FSTL4: variants seen among roughly 807,000 people sequenced by gnomAD.
FSTL4 encodes follistatin-related protein 4.
FSTL4 carries 28 observed loss-of-function variants against 78.2 expected under a neutral mutation model. That is an observed-to-expected ratio of 0.36 (90% CI 0.27 to 0.49). The LOEUF is 0.49. FSTL4 is among the 20% of genes least tolerant of loss of function. The probability of loss-of-function intolerance (pLI) is 0.98; values close to 1 mark genes in which losing one functional copy is unlikely to be tolerated. For missense variants in FSTL4, 922 were observed against 1,084.9 expected (o/e 0.85, Z 2.11); for synonymous variants, 422 against 440.5 (o/e 0.96, Z 0.53).
chr5:133,711,185 G>C, the FSTL4 span, among the ~76,000 whole-genome samples: 1 of 152,196 alleles, frequency 6.6e-6, no homozygotes. Context: ...GGAGGAAGAA[G>C]GAAAGCATTT....
At chr5:133,329,315 G>A (rs970172851) in intron 4 of FSTL4, among the ~76,000 whole-genome samples, 6 of 152,162 alleles carry the variant, frequency 3.9e-5, no homozygotes, top group East Asian at 1.9e-4. Flanking sequence ...TGACCTTCAC[G>A]GTACCATCCT....
the FSTL4 span, among the ~76,000 whole-genome samples, chr5:133,741,214 G>C: frequency 6.6e-6 from 1 of 152,184 alleles, no homozygotes; most frequent in Admixed American, 6.5e-5. Context: ...CCCGGAAGCA[G>C]AACCTAAGGC....
intron 2 of FSTL4, among the ~76,000 whole-genome samples, chr5:133,571,906 T>C (rs1333091622): frequency 6.6e-6 from 1 of 152,092 alleles, no homozygotes; most frequent in African/African-American, 2.4e-5. Flanking sequence ...CACTGTAACA[T>C]CATGAAGAGT....
chr5:133,628,268 C>T, the FSTL4 span, among the ~76,000 whole-genome samples: 1 of 151,820 alleles, frequency 6.6e-6, no homozygotes, highest in African/African-American at 2.4e-5. Flanking sequence ...AAGATCAGAG[C>T]AGAACTGAAA....
intron 4 of FSTL4, among the ~76,000 whole-genome samples, chr5:133,336,676 T>C (rs926122311): frequency 1.3e-5 from 2 of 152,112 alleles, no homozygotes; most frequent in African/African-American, 2.4e-5. Context: ...TCCTGCCCAC[T>C]CCATCTAAAC....
chr5:133,648,221 T>A, the FSTL4 span, among the ~76,000 whole-genome samples: 3 of 151,702 alleles, frequency 2.0e-5, no homozygotes, highest in Non-Finnish European at 2.9e-5. Flanking sequence ...CCTAAAAGCA[T>A]GAGAAAAAAG....
chr5:133,748,779 T>C, the FSTL4 span, among the ~76,000 whole-genome samples: 1 of 152,252 alleles, frequency 6.6e-6, no homozygotes, highest in East Asian at 1.9e-4. Context: ...CAGTCAGGCC[T>C]TCCTAAGGTG....
intron 3 of FSTL4, among the ~76,000 whole-genome samples, chr5:133,557,914 C>T (rs1209972412): frequency 2.6e-5 from 4 of 152,150 alleles, no homozygotes; most frequent in Non-Finnish European, 5.9e-5. Context: ...CAAAGGGGAC[C>T]CTCTGCTGAG....
chr5:133,659,587 TATAA>T, the FSTL4 span, among the ~76,000 whole-genome samples: 1 of 151,172 alleles, frequency 6.6e-6, no homozygotes, highest in Non-Finnish European at 1.5e-5. Context: ...TAATTCCTAT[TATAA>T]ATACATTGTA....
At position 133,345,055 on chromosome 5, in the gene FSTL4, G is replaced by A. The variant is rs933552254; in HGVS notation, c.410-28403C>T. Among the ~76,000 whole-genome samples the A allele has an allele frequency of 3.2e-4, 48 of 148,250 alleles. 1 individual carries two copies. Among genetic ancestry groups the A allele is most frequent in the Admixed American group, 3.2e-3 (47 of 14,724 alleles). On this transcript the variant is annotated intron_variant, in intron 4 of 15. Coordinates refer to ENST00000265342, the MANE Select transcript of FSTL4 (RefSeq NM_015082.2). ...ACGATCTCCACTCACTGCAAGCTCC[G>A]CCTCCCGGGTTCACGCCATTCTCCT...
chr5:133,473,388 A>C (rs540668758), intron 3 of FSTL4, among the ~76,000 whole-genome samples: 16 of 152,266 alleles, frequency 1.1e-4, no homozygotes, highest in African/African-American at 3.6e-4. Context: ...TCCTAGCTGC[A>C]TGCAGTGTGT....
the FSTL4 span, among the ~76,000 whole-genome samples, chr5:133,676,343 T>G: frequency 2.0e-5 from 3 of 152,094 alleles, no homozygotes; most frequent in Non-Finnish European, 2.9e-5. Context: ...TTCAGATAGA[T>G]GGAGAAAACT....
At chr5:133,739,599 A>C in the FSTL4 span, among the ~76,000 whole-genome samples, 1 of 152,210 alleles carries the variant, frequency 6.6e-6, no homozygotes, top group African/African-American at 2.4e-5. Flanking sequence ...AGCGTAACCT[A>C]GGAGCCCGCC....
intron 3 of FSTL4, among the ~76,000 whole-genome samples, chr5:133,487,510 G>A (rs1758161335): frequency 6.6e-6 from 1 of 152,160 alleles, no homozygotes; most frequent in Admixed American, 6.5e-5. Flanking sequence ...GACCTCAGGT[G>A]AGCTCCTGCC....
At chr5:133,369,735 G>T (rs1755250563) in intron 4 of FSTL4, among the ~76,000 whole-genome samples, 1 of 152,178 alleles carries the variant, frequency 6.6e-6, no homozygotes, top group Admixed American at 6.5e-5. Context: ...GGCTCATTTG[G>T]CCTCAAACGA....
chr5:133,315,882 T>A (rs945398479), intron 5 of FSTL4, among the ~76,000 whole-genome samples: 1 of 152,208 alleles, frequency 6.6e-6, no homozygotes, highest in African/African-American at 2.4e-5. Context: ...CTACCCCTGC[T>A]CCACCTTGTA....
At chr5:133,480,655 C>T (rs897229677) in intron 3 of FSTL4, among the ~76,000 whole-genome samples, 8 of 151,814 alleles carry the variant, frequency 5.3e-5, no homozygotes, top group Middle Eastern at 3.4e-3. Flanking sequence ...GAGCCAGGAT[C>T]TCCTCTGCCT....
Position 133,236,827 on chromosome 5 carries a change from C to T in FSTL4, c.895-3290G>A, listed in dbSNP as rs545245336. 3.2e-4 allele frequency among the ~76,000 whole-genome samples: 48 copies of T among 152,346 alleles called. No homozygotes were observed. Among genetic ancestry groups the T allele is most frequent in the African/African-American group, 1.1e-3 (46 of 41,576 alleles). Reference sequence around the variant, plus strand: ...CCCATTTCTGGAGCCTAACCTCTTCCCCACACCCTGCTTGGCGCCTCCTGT... The same window carrying T: ...CCCATTTCTGGAGCCTAACCTCTTCTCCACACCCTGCTTGGCGCCTCCTGT... On this transcript the variant is annotated intron_variant, in intron 7 of 15. Transcript: ENST00000265342. The surrounding 1 kb of genome is among the most constrained non-coding windows in gnomAD (Gnocchi z 5.0).
At chr5:133,314,263 C>T (rs1189435597) in intron 5 of FSTL4, among the ~76,000 whole-genome samples, 1 of 152,228 alleles carries the variant, frequency 6.6e-6, no homozygotes, top group Non-Finnish European at 1.5e-5. Flanking sequence ...AGGTCCCTGG[C>T]CCTGCCCCTC....
Sources: allele counts gnomAD v4.1 joint callset (sites outside exome capture counted in the v4.1 genomes callset), GRCh38; gene constraint gnomAD v4.1.1; non-coding constraint Gnocchi (gnomAD v3.1); transcripts MANE v1.5; gene names NCBI Gene and HGNC (gene_info 2026-07-23, HGNC 2026-07-21).